Variants in NOS1AP observed in about 807,000 individuals in gnomAD.
The protein encoded by NOS1AP is nitric oxide synthase 1 adaptor protein, also known as carboxyl-terminal PDZ ligand of neuronal nitric oxide synthase protein.
A neutral mutation model predicts 56.2 loss-of-function variants in NOS1AP; 21 were observed. The observed-to-expected ratio is 0.37, with a 90% CI of 0.26 to 0.54. The LOEUF (loss-of-function observed/expected upper bound fraction) is 0.54, where lower values mean the gene tolerates loss of function less well. NOS1AP is among the 20% of genes least tolerant of loss of function. NOS1AP has a pLI of 0.84. For synonymous variants in NOS1AP, 270 were observed against 274.6 expected, an observed-to-expected ratio of 0.98 and a Z score of 0.17; for missense variants, 522 against 657.8, an observed-to-expected ratio of 0.79 and a Z score of 2.26.
At chr1:162,229,115 A>G (rs1185597558) in intron 2 of NOS1AP, among the ~76,000 whole-genome samples, 1 of 152,250 alleles carries the variant, frequency 6.6e-6, no homozygotes, top group African/African-American at 2.4e-5. Context: ...GTCTGGGGCC[A>G]TGATCCTAAC....
At chr1:162,243,979 C>T (rs11584803) in intron 2 of NOS1AP, among the ~76,000 whole-genome samples, 59,857 of 152,062 alleles carry the variant, frequency 0.39, 14,547 homozygotes, top group Non-Finnish European at 0.55. Flanking sequence ...GGTGACTTAC[C>T]TCCTATCAGA....
At chr1:162,300,020 T>C (rs1173929434) in intron 3 of NOS1AP, among the ~76,000 whole-genome samples, 2 of 152,230 alleles carry the variant, frequency 1.3e-5, no homozygotes, top group African/African-American at 4.8e-5. Context: ...TGAGTCCTTC[T>C]TTCATGGATG....
intron 1 of NOS1AP, among the ~76,000 whole-genome samples, chr1:162,122,794 G>A (rs12089395): frequency 0.01 from 1,544 of 152,098 alleles, 25 homozygotes; most frequent in African/African-American, 0.035. Context: ...CATGAGCCAT[G>A]GCACCCAGCC....
At chr1:162,204,102 T>C (rs1471229480) in intron 2 of NOS1AP, among the ~76,000 whole-genome samples, 1 of 152,218 alleles carries the variant, frequency 6.6e-6, no homozygotes. Flanking sequence ...TTGTGCTGCT[T>C]CAACCCTGCA....
rs1650540656 is a variant in NOS1AP, at chr1:162,167,148, T to A, written c.177+12672T>A. Among the ~76,000 whole-genome samples the A allele has an allele frequency of 2.6e-5, 4 of 152,196 alleles. No homozygotes were observed. In the South Asian group the frequency reaches 8.3e-4, roughly 31 times the overall value. On this transcript the variant is annotated intron_variant, in intron 2 of 9. Coordinates refer to ENST00000361897, the MANE Select transcript of NOS1AP (RefSeq NM_014697.3). ...AGAGGCATTTAACCGCACGAAGGTTTATGGTGGAAATGACAAATTGCTTCT... is the reference window on the plus strand; with the variant it reads ...AGAGGCATTTAACCGCACGAAGGTTAATGGTGGAAATGACAAATTGCTTCT...
At chr1:162,193,717 G>T (rs78793893) in intron 2 of NOS1AP, among the ~76,000 whole-genome samples, 1 of 152,038 alleles carries the variant, frequency 6.6e-6, no homozygotes, top group East Asian at 1.9e-4. Flanking sequence ...TTTAGAGGGG[G>T]CCAGGGAAAA....
intron 7 of NOS1AP, 104 bp from the exon 8 acceptor site, chr1:162,356,856 G>T: frequency 6.2e-7 from 1 of 1,604,858 alleles, no homozygotes; most frequent in Non-Finnish European, 8.5e-7. Context: ...CTTATGGGTT[G>T]TAAGTGTGCC....
At chr1:162,146,315 T>C (rs1005334569) in intron 1 of NOS1AP, among the ~76,000 whole-genome samples, 41 of 152,252 alleles carry the variant, frequency 2.7e-4, no homozygotes, top group Admixed American at 2.7e-3. Flanking sequence ...GCAGTTAAAA[T>C]CTCCACTTGA....
At chr1:162,146,323 T>G (rs1649465294) in intron 1 of NOS1AP, among the ~76,000 whole-genome samples, 1 of 152,166 alleles carries the variant, frequency 6.6e-6, no homozygotes, top group Non-Finnish European at 1.5e-5. Flanking sequence ...AATCTCCACT[T>G]GATTTTCTTG....
intron 2 of NOS1AP, among the ~76,000 whole-genome samples, chr1:162,222,323 G>A (rs1055135527): frequency 1.3e-5 from 2 of 152,162 alleles, no homozygotes; most frequent in African/African-American, 4.8e-5. Flanking sequence ...TATCTAACAC[G>A]GCTAGTATCA....
chr1:162,155,277 TACAC>T (rs1265800781), intron 2 of NOS1AP, among the ~76,000 whole-genome samples: 6 of 142,434 alleles, frequency 4.2e-5, no homozygotes, highest in Non-Finnish European at 7.6e-5. Flanking sequence ...CACATACATA[TACAC>T]ATATATACAT....
intron 4 of NOS1AP, among the ~76,000 whole-genome samples, chr1:162,303,904 CTTTTTTTTT>C (rs35658165): frequency 9.0e-6 from 1 of 110,724 alleles, no homozygotes; most frequent in African/African-American, 3.5e-5. Flanking sequence ...TCTGGCTTGT[CTTTTTTTTT>C]TTTTTTTTTT....
intron 2 of NOS1AP, among the ~76,000 whole-genome samples, chr1:162,214,330 A>G (rs1652473133): frequency 6.6e-6 from 1 of 152,158 alleles, no homozygotes; most frequent in African/African-American, 2.4e-5. Flanking sequence ...CTCTTTGCCC[A>G]GCACTATGCT....
At chr1:162,308,186 T>C (rs1175544165) in intron 4 of NOS1AP, among the ~76,000 whole-genome samples, 1 of 152,264 alleles carries the variant, frequency 6.6e-6, no homozygotes, top group African/African-American at 2.4e-5. Context: ...ATGTAGAAGA[T>C]ATGATTACAG....
At chr1:162,191,135 C>T (rs1451501735) in intron 2 of NOS1AP, among the ~76,000 whole-genome samples, 4 of 152,162 alleles carry the variant, frequency 2.6e-5, no homozygotes, top group Admixed American at 6.5e-5. Context: ...TAGACTTGCC[C>T]GTCCATATCA....
chr1:162,264,385 A>C (rs1242254281), intron 2 of NOS1AP, among the ~76,000 whole-genome samples: 1 of 146,902 alleles, frequency 6.8e-6, no homozygotes. Flanking sequence ...AATGTTTCTC[A>C]TCCCTCTTTG....
chr1:162,176,447 C>T (rs1273920644), intron 2 of NOS1AP, among the ~76,000 whole-genome samples: 1 of 147,170 alleles, frequency 6.8e-6, no homozygotes, highest in Non-Finnish European at 1.5e-5. Context: ...AGACTGGTTT[C>T]TTTCACTTAG....
At chr1:162,334,048 A>T (rs1858232) in intron 5 of NOS1AP, among the ~76,000 whole-genome samples, 1 of 151,980 alleles carries the variant, frequency 6.6e-6, no homozygotes, top group Non-Finnish European at 1.5e-5. Flanking sequence ...TTCTACAAGA[A>T]CTTCATTTTA....
chr1:162,194,141 G>A (rs910212499), intron 2 of NOS1AP, among the ~76,000 whole-genome samples: 8 of 152,078 alleles, frequency 5.3e-5, no homozygotes, highest in African/African-American at 1.2e-4. Context: ...TCCTCTTTTC[G>A]TCTCCATCTG....
Sources: gnomAD v4.1 joint callset for allele counts (sites outside exome capture counted in the v4.1 genomes callset) on GRCh38, gnomAD v4.1.1 for gene constraint, MANE v1.5 for transcripts, NCBI Gene and HGNC (gene_info 2026-07-23, HGNC 2026-07-21) for gene names.